The following PCNT variants were observed in gnomAD, a reference collection of about 807,000 sequenced individuals.
The protein encoded by PCNT is pericentrin.
Under a neutral mutation model 380.4 loss-of-function variants are expected in PCNT, and 319 were observed. That is an observed-to-expected ratio of 0.84 (90% CI 0.77 to 0.92). The LOEUF (loss-of-function observed/expected upper bound fraction) is 0.92. PCNT is among the 40% of genes least tolerant of loss of function. The pLI, the probability that PCNT is intolerant of heterozygous loss-of-function variation, is 0.00. For synonymous variants in PCNT, 1,845 were observed against 1,735.2 expected (o/e 1.06, Z -1.57); for missense variants, 4,400 against 4,255.3 (o/e 1.03, Z -0.95).
In PCNT at chr21:46,437,060, G is replaced by A. The variant is rs910156892; in HGVS notation, c.9078G>A (p.Leu3026=). Residue 3026 remains leucine, a synonymous_variant, in exon 40 of 47, where the codon TTG becomes TTA. Transcript: ENST00000359568. ...LHTLEELKSD[L]SRPTSSQKKM... ...CGTTGGAGGAGCTGAAGTCTGACTT[G>A]AGCAGGCCCACCTCCTCCCAGGTAA... 4.3e-6 allele frequency: 7 copies of A among 1,613,752 alleles called. No individual in the cohort carries two copies. The Admixed American group carries it at 8.3e-5, about 19-fold the overall frequency.
Position 46,353,346 on chromosome 21 carries a change from C to G in PCNT, c.1679+20C>G. On this transcript the variant is annotated intron_variant, in intron 10 of 46. Transcript: ENST00000359568. Reference sequence around the variant, plus strand: ...AGTTGGGTAAGCAAAGCAGTTCCAGCCTCAGTGAGTTTCTGCCATACAGGG... The same window carrying G: ...AGTTGGGTAAGCAAAGCAGTTCCAGGCTCAGTGAGTTTCTGCCATACAGGG... 1 of 1,599,046 alleles carries G rather than the reference C, an allele frequency of 6.3e-7. No individual in the cohort carries two copies. The highest frequency in any genetic ancestry group is 8.6e-7 in the Non-Finnish European group (1 of 1,166,408).
At chr21:46,354,590 G>A (rs1326289198) in intron 11 of PCNT, among the ~76,000 whole-genome samples, 1 of 152,238 alleles carries the variant, frequency 6.6e-6, no homozygotes, top group African/African-American at 2.4e-5. Flanking sequence ...TTGATGTGCA[G>A]CATGAGCAAG....
intron 24 of PCNT, among the ~76,000 whole-genome samples, chr21:46,398,587 C>A (rs1366799357): frequency 1.3e-5 from 2 of 152,220 alleles, no homozygotes; most frequent in South Asian, 4.1e-4. Context: ...CCCCCACGGA[C>A]CCTCGTGTAC....
rs11285369 is a variant in PCNT, at chr21:46,430,737, CT to C, written c.8064+84del. Reference sequence around the variant, plus strand: ...GAAGCCATGCTCCTCTTTCATCCTTCTTTTCCTGTTCTTCATGGCAGTGCAC... The same window carrying C: ...GAAGCCATGCTCCTCTTTCATCCTTCTTTCCTGTTCTTCATGGCAGTGCAC... On this transcript the variant is annotated intron_variant, in intron 37 of 46. Transcript: ENST00000359568. 0.21 allele frequency: 331,117 copies of C among 1,546,098 alleles called. 37,740 individuals carry two copies. The highest frequency in any genetic ancestry group is 0.43 in the East Asian group (17,765 of 40,912).
chr21:46,368,009 A>G (rs1436111003), intron 15 of PCNT, among the ~76,000 whole-genome samples: 1 of 151,876 alleles, frequency 6.6e-6, no homozygotes, highest in Non-Finnish European at 1.5e-5. Context: ...AAAACAATTC[A>G]CCGGGCGTGG....
chr21:46,402,294 G>T, intron 26 of PCNT, 37 bp from the exon 27 acceptor site: 2 of 1,379,228 alleles, frequency 1.5e-6, no homozygotes, highest in Non-Finnish European at 2.0e-6. Context: ...AATATTAGAT[G>T]ACTTTTAATA....
rs1280575700 is a variant in PCNT at position 46,346,115 on chromosome 21, CT to C, written c.640-7del. 1.9e-6 allele frequency: 3 copies of C among 1,613,516 alleles called. No homozygotes were observed. Among genetic ancestry groups the C allele is most frequent in the South Asian group, 2.2e-5 (2 of 91,058 alleles). ...TGAATTCTGGACCTACATTCTTTGC[CT>C]TTTTTCCCCAGGAGTGTGAACAAGA... On this transcript the variant is annotated splice_polypyrimidine_tract_variant and intron_variant, in intron 3 of 46. Coordinates refer to ENST00000359568, the MANE Select transcript of PCNT (RefSeq NM_006031.6).
chr21:46,389,726 G>T (rs931299365), intron 19 of PCNT, among the ~76,000 whole-genome samples: 1 of 152,184 alleles, frequency 6.6e-6, no homozygotes, highest in Non-Finnish European at 1.5e-5. Context: ...TTTTGTAACC[G>T]TTTTAGAACA....
At chr21:46,381,030 A>G (rs1043903569) in intron 15 of PCNT, among the ~76,000 whole-genome samples, 1 of 152,022 alleles carries the variant, frequency 6.6e-6, no homozygotes, top group African/African-American at 2.4e-5. Flanking sequence ...TACAAAAATT[A>G]GTTGAGTGTG....
intron 3 of PCNT, among the ~76,000 whole-genome samples, chr21:46,344,052 A>ATCTTT (rs771339613): frequency 2.0e-5 from 3 of 147,514 alleles, no homozygotes; most frequent in Admixed American, 2.0e-4. Context: ...AGTTTTGTTT[A>ATCTTT]TCTTTTCTTT....
At chr21:46,329,066 G>T (rs1857065144) in intron 2 of PCNT, among the ~76,000 whole-genome samples, 1 of 152,224 alleles carries the variant, frequency 6.6e-6, no homozygotes, top group South Asian at 2.1e-4. Flanking sequence ...GAGCCACTGT[G>T]CCTGGCCTGC....
chr21:46,338,730 C>T (rs1278142627), intron 3 of PCNT, among the ~76,000 whole-genome samples: 1 of 151,832 alleles, frequency 6.6e-6, no homozygotes, highest in Non-Finnish European at 1.5e-5. Context: ...TTCAGCCTCC[C>T]GAGTAGCTGG....
rs756072240 is a variant in PCNT at position 46,438,209 on chromosome 21, C to T, written c.9145C>T (p.Leu3049=). ...ELQFQFVDVL[L]KDNVSLTKAL... Reference sequence around the variant, plus strand: ...GCAGTTCCAGTTTGTGGACGTCCTGCTGAAAGACAATGTTTCCCTCACAAA... The same window carrying T: ...GCAGTTCCAGTTTGTGGACGTCCTGTTGAAAGACAATGTTTCCCTCACAAA... The change falls in exon 41 of 47, where the codon CTG becomes TTG. Residue 3049 remains leucine (L), a synonymous_variant. Transcript: ENST00000359568. The T allele has an allele frequency of 3.7e-6, 6 of 1,614,122 alleles. No individual in the cohort carries two copies. In the East Asian group the frequency reaches 1.3e-4, roughly 36 times the overall value.
At chr21:46,383,730 G>GCA (rs2085691906) in intron 16 of PCNT, among the ~76,000 whole-genome samples, 1 of 143,708 alleles carries the variant, frequency 7.0e-6, no homozygotes, top group African/African-American at 2.6e-5. Flanking sequence ...ATTCAGTGAT[G>GCA]GAAGCGCATT....
intron 41 of PCNT, among the ~76,000 whole-genome samples, chr21:46,439,364 C>T (rs2053548374): frequency 6.6e-6 from 1 of 152,016 alleles, no homozygotes; most frequent in South Asian, 2.1e-4. Context: ...TGAGACAGGG[C>T]CTTGCTGCAT....
intron 33 of PCNT, among the ~76,000 whole-genome samples, chr21:46,426,350 G>A (rs954645231): frequency 6.6e-5 from 10 of 151,916 alleles, no homozygotes; most frequent in Non-Finnish European, 1.5e-4. Flanking sequence ...TTTTTAGCAC[G>A]GCCAAAAAGA....
chr21:46,379,077 G>T (rs999063464), intron 15 of PCNT, among the ~76,000 whole-genome samples: 1 of 152,202 alleles, frequency 6.6e-6, no homozygotes, highest in African/African-American at 2.4e-5. Flanking sequence ...TGAAGGACAG[G>T]TCTGCTAGTG....
intron 31 of PCNT, among the ~76,000 whole-genome samples, chr21:46,419,135 C>A (rs55742016): frequency 0.13 from 19,564 of 151,972 alleles, 3,504 homozygotes; most frequent in African/African-American, 0.41. Flanking sequence ...GGTGCTCTAA[C>A]TTTTTAAAAA....
In PCNT at chr21:46,354,072, A is replaced by T. The variant is rs763270102; in HGVS notation, c.1761+4A>T. 4 of 1,613,518 alleles carry T rather than the reference A, an allele frequency of 2.5e-6. No individual in the cohort carries two copies. In the South Asian group the frequency reaches 4.4e-5, roughly 18 times the overall value. On this transcript the variant is annotated splice_donor_region_variant and intron_variant, in intron 11 of 46. Transcript: ENST00000359568. ...ACTCGAGCCTGAGCGACATAAGGTAATTGGCCGCGCGCTGAGAAGTGGGGG... is the reference window on the plus strand; with the variant it reads ...ACTCGAGCCTGAGCGACATAAGGTATTTGGCCGCGCGCTGAGAAGTGGGGG...
Sources: allele counts gnomAD v4.1 joint callset (sites outside exome capture counted in the v4.1 genomes callset), GRCh38; gene constraint gnomAD v4.1.1; transcripts MANE v1.5; gene names NCBI Gene and HGNC (gene_info 2026-07-23, HGNC 2026-07-21).